The following PTPRD variants were observed in gnomAD, a reference collection of about 807,000 sequenced individuals.
PTPRD encodes the protein protein tyrosine phosphatase receptor type D, also known as receptor-type tyrosine-protein phosphatase delta.
In PTPRD, 34 loss-of-function variants were observed where a neutral mutation model predicts 214.5. The ratio of observed to expected loss-of-function variants is 0.16; its 90% CI spans 0.12 to 0.21. The LOEUF (loss-of-function observed/expected upper bound fraction) is 0.21, where lower values mean the gene tolerates loss of function less well. Among genes scored for constraint, PTPRD ranks in the 10% least tolerant of loss-of-function variants. The pLI is 1.00. For synonymous variants in PTPRD, 1,128 were observed against 845.7 expected (o/e 1.33, Z -5.79); for missense variants, 2,545 against 2,398.7 (o/e 1.06, Z -1.27).
At chr9:9,430,814 G>T (rs556514728) in intron 8 of PTPRD, among the ~76,000 whole-genome samples, 1 of 152,076 alleles carries the variant, frequency 6.6e-6, no homozygotes. Context: ...AGGAATCCCT[G>T]TTTAATAAAT....
chr9:8,331,750 G>GCCACATACC lies in PTPRD; in HGVS notation c.5380-23_5380-15dup, dbSNP rs1841359649. 2.6e-6 allele frequency: 4 copies of GCCACATACC among 1,563,476 alleles called. No homozygotes were observed. The African/African-American group carries it at 4.1e-5, about 16-fold the overall frequency. On this transcript the variant is annotated splice_polypyrimidine_tract_variant and intron_variant, in intron 43 of 45. Transcript: ENST00000381196. Reference sequence around the variant, plus strand: ...GGACTGGCCGTCCTTTAGAAGGAAAGCCACATACCCGGCCGCAAAGGAAGA... The same window carrying GCCACATACC: ...GGACTGGCCGTCCTTTAGAAGGAAAGCCACATACCCCACATACCCGGCCGCAAAGGAAGA...
intron 7 of PTPRD, among the ~76,000 whole-genome samples, chr9:9,716,443 G>A (rs375173273): frequency 9.9e-5 from 15 of 151,460 alleles, no homozygotes; most frequent in Non-Finnish European, 1.9e-4. Context: ...ACTTCCACAA[G>A]GGTTGAACTA....
intron 7 of PTPRD, among the ~76,000 whole-genome samples, chr9:9,633,925 C>A (rs1337795114): frequency 6.6e-6 from 1 of 152,108 alleles, no homozygotes; most frequent in African/African-American, 2.4e-5. Context: ...TCACCAAGTT[C>A]AAATTAGAAG....
At chr9:8,478,247 A>G (rs1174572094) in intron 30 of PTPRD, among the ~76,000 whole-genome samples, 1 of 152,158 alleles carries the variant, frequency 6.6e-6, no homozygotes, top group Non-Finnish European at 1.5e-5. Flanking sequence ...TTTGTGAGTT[A>G]AAGTAATTTA....
At chr9:9,341,956 G>C (rs2046974818) in intron 9 of PTPRD, among the ~76,000 whole-genome samples, 1 of 151,956 alleles carries the variant, frequency 6.6e-6, no homozygotes, top group Admixed American at 6.6e-5. Flanking sequence ...TTACAGGCAT[G>C]TGCCACCATG....
At chr9:8,799,820 T>C (rs1171484671) in intron 11 of PTPRD, among the ~76,000 whole-genome samples, 1 of 152,120 alleles carries the variant, frequency 6.6e-6, no homozygotes, top group African/African-American at 2.4e-5. Flanking sequence ...ATTACACTTC[T>C]AATGTTTTGA....
chr9:9,681,997 A>T (rs981580248), intron 7 of PTPRD, among the ~76,000 whole-genome samples: 2 of 151,810 alleles, frequency 1.3e-5, no homozygotes, highest in Non-Finnish European at 2.9e-5. Context: ...GAACTTTCTC[A>T]TCATTACCCA....
intron 2 of PTPRD, among the ~76,000 whole-genome samples, chr9:10,373,007 A>T (rs995559221): frequency 5.9e-5 from 9 of 151,420 alleles, no homozygotes; most frequent in Admixed American, 5.3e-4. Context: ...TAATTTTTGT[A>T]TTTTTAGTAG....
chr9:10,397,334 C>A (rs956500031), intron 2 of PTPRD, among the ~76,000 whole-genome samples: 2 of 151,988 alleles, frequency 1.3e-5, no homozygotes, highest in Admixed American at 1.3e-4. Flanking sequence ...AGTTAAACAA[C>A]ATGTAAGTGT....
At chr9:10,423,347 C>G (rs2098568526) in intron 2 of PTPRD, among the ~76,000 whole-genome samples, 1 of 151,536 alleles carries the variant, frequency 6.6e-6, no homozygotes, top group Non-Finnish European at 1.5e-5. Flanking sequence ...GGAGAAATAC[C>G]TAATGTAAAC....
chr9:9,258,927 T>C (rs907557776), intron 9 of PTPRD, among the ~76,000 whole-genome samples: 2 of 151,936 alleles, frequency 1.3e-5, no homozygotes, highest in Non-Finnish European at 2.9e-5. Context: ...TTCCAAAAAT[T>C]GTGCAGACAT....
At chr9:9,464,974 T>C (rs1242606637) in intron 8 of PTPRD, among the ~76,000 whole-genome samples, 3 of 152,210 alleles carry the variant, frequency 2.0e-5, no homozygotes, top group Non-Finnish European at 4.4e-5. Context: ...GGTAGGGTTG[T>C]AAAGTACAGA....
chr9:10,390,527 C>T (rs1440381196), intron 2 of PTPRD, among the ~76,000 whole-genome samples: 1 of 151,828 alleles, frequency 6.6e-6, no homozygotes, highest in Non-Finnish European at 1.5e-5. Flanking sequence ...CGAAAGAATG[C>T]ACATACTGTA....
chr9:8,468,237 T>C (rs998258207), intron 31 of PTPRD, among the ~76,000 whole-genome samples: 1 of 152,034 alleles, frequency 6.6e-6, no homozygotes, highest in Non-Finnish European at 1.5e-5. Flanking sequence ...GGATGCTTCC[T>C]GTGTTACACG....
At chr9:10,048,330 A>G (rs1477913094) in intron 3 of PTPRD, among the ~76,000 whole-genome samples, 2 of 152,078 alleles carry the variant, frequency 1.3e-5, no homozygotes, top group African/African-American at 4.8e-5. Flanking sequence ...ACTAGCCCCC[A>G]GTACTTCAGG....
chr9:10,233,985 G>T (rs890542550), intron 3 of PTPRD, among the ~76,000 whole-genome samples: 1 of 151,716 alleles, frequency 6.6e-6, no homozygotes, highest in African/African-American at 2.4e-5. Context: ...AAAGCAAGAT[G>T]ATCACGCCTG....
intron 5 of PTPRD, among the ~76,000 whole-genome samples, chr9:9,882,433 G>T (rs942393328): frequency 1.3e-5 from 2 of 152,074 alleles, no homozygotes; most frequent in African/African-American, 4.8e-5. Flanking sequence ...CTTCTGCTGA[G>T]AAATAAGTAG....
Position 9,826,054 on chromosome 9 carries a change from G to A in PTPRD, c.-367-59203C>T, listed in dbSNP as rs191226720. 1.5e-4 allele frequency among the ~76,000 whole-genome samples: 22 copies of A among 151,622 alleles called. No individual in the cohort carries two copies. In the Middle Eastern group the frequency reaches 0.01, roughly 71 times the overall value. On this transcript the variant is annotated intron_variant, in intron 5 of 45. Transcript: ENST00000381196. ...ATCATAATTTTGAGTTATCTGTTCT[G>A]CTCTCTTTTATTTGTTTTTCTTCTT...
chr9:9,980,625 A>C (rs1240877964), intron 4 of PTPRD, among the ~76,000 whole-genome samples: 2 of 118,154 alleles, frequency 1.7e-5, no homozygotes, highest in East Asian at 4.0e-4. Context: ...AAACAAAAAA[A>C]AAAAAAAAAC....
Sources: allele counts gnomAD v4.1 joint callset (sites outside exome capture counted in the v4.1 genomes callset), GRCh38; gene constraint gnomAD v4.1.1; transcripts MANE v1.5; gene names NCBI Gene and HGNC (gene_info 2026-07-23, HGNC 2026-07-21).